Variants in ITGA8 observed in about 807,000 individuals in gnomAD.
ITGA8 encodes the protein integrin subunit alpha 8, also known as integrin alpha-8.
ITGA8 carries 91 observed loss-of-function variants against 142.3 expected under a neutral mutation model. The ratio of observed to expected loss-of-function variants is 0.64; its 90% confidence interval spans 0.54 to 0.76. ITGA8 has a LOEUF of 0.76. Among genes scored for constraint, ITGA8 ranks in the 30% least tolerant of loss-of-function variants. The pLI, the probability that ITGA8 is intolerant of heterozygous loss-of-function variation, is 0.00. For synonymous variants in ITGA8, 505 were observed against 485.2 expected, an observed-to-expected ratio of 1.04 and a Z score of -0.54; for missense variants, 1,406 against 1,327.7, an observed-to-expected ratio of 1.06 and a Z score of -0.92.
In ITGA8 at chr10:15,572,385, A is replaced by T. The variant is rs1242627181; in HGVS notation, c.2479-16T>A. 1.9e-6 allele frequency: 3 copies of T among 1,612,006 alleles called. No individual in the cohort carries two copies. In the African/African-American group the frequency reaches 4.0e-5, roughly 22 times the overall value. ...TATTGTGCAGCTGTAAACAAGTGAC[A>T]TGTTATCTAATGACCCAGCAGAAGG... is the stretch of plus-strand genomic sequence containing the variant. On this transcript the variant is annotated splice_polypyrimidine_tract_variant and intron_variant, in intron 24 of 29. Coordinates refer to ENST00000378076, the MANE Select transcript of ITGA8 (RefSeq NM_003638.3).
At chr10:15,597,429 T>C in intron 20 of ITGA8, 130 bp from the exon 21 acceptor site, 1 of 678,452 alleles carries the variant, frequency 1.5e-6, no homozygotes, top group Non-Finnish European at 2.6e-6. Flanking sequence ...AAAAAAGTAA[T>C]TGATGACCCT....
chr10:15,719,502 T>C, intron 1 of ITGA8, 61 bp downstream of exon 1: 1 of 1,436,760 alleles, frequency 7.0e-7, no homozygotes, highest in Non-Finnish European at 9.1e-7. Flanking sequence ...GCAGAGCCGC[T>C]GGGACCTGAC....
intron 7 of ITGA8, among the ~76,000 whole-genome samples, 174 bp downstream of exon 7, chr10:15,672,450 G>A (rs997714589): frequency 6.6e-6 from 1 of 152,100 alleles, no homozygotes; most frequent in South Asian, 2.1e-4. Flanking sequence ...ATTACACATC[G>A]CGGCTGGAAA....
intron 2 of ITGA8, among the ~76,000 whole-genome samples, chr10:15,717,158 C>T (rs888239495): frequency 2.0e-5 from 3 of 152,138 alleles, no homozygotes; most frequent in Non-Finnish European, 2.9e-5. Flanking sequence ...GAAAAAAATA[C>T]TAATCAGATC....
chr10:15,623,238 A>G (rs1483167390), intron 13 of ITGA8, among the ~76,000 whole-genome samples: 1 of 152,174 alleles, frequency 6.6e-6, no homozygotes, highest in Non-Finnish European at 1.5e-5. Flanking sequence ...GAATGAGAAA[A>G]ATGAGGTACA....
chr10:15,673,416 G>A (rs1834567194), intron 6 of ITGA8, among the ~76,000 whole-genome samples: 1 of 152,036 alleles, frequency 6.6e-6, no homozygotes, highest in Non-Finnish European at 1.5e-5. Flanking sequence ...TATTCCACCT[G>A]GAAGGAAGCT....
chr10:15,555,510 C>A (rs367602970), intron 26 of ITGA8, among the ~76,000 whole-genome samples: 2 of 152,160 alleles, frequency 1.3e-5, no homozygotes. Context: ...GTCAGTGCAC[C>A]GTGGCACCTC....
At chr10:15,569,709 A>G (rs1268350864) in intron 25 of ITGA8, among the ~76,000 whole-genome samples, 1 of 152,160 alleles carries the variant, frequency 6.6e-6, no homozygotes, top group Non-Finnish European at 1.5e-5. Context: ...GTGCCTGGCT[A>G]TGGCACAGTT....
chr10:15,659,225 C>T (rs1220746291), intron 9 of ITGA8, among the ~76,000 whole-genome samples, 170 bp from the exon 10 acceptor site: 2 of 150,290 alleles, frequency 1.3e-5, no homozygotes, highest in Non-Finnish European at 3.0e-5. Flanking sequence ...AAAAAAAAAG[C>T]CGATTAAAGT....
chr10:15,670,409 T>C (rs1316774943), intron 8 of ITGA8, among the ~76,000 whole-genome samples: 5 of 152,214 alleles, frequency 3.3e-5, no homozygotes, highest in Non-Finnish European at 7.3e-5. Context: ...TGTCATAGCC[T>C]AAGGAATAGA....
At chr10:15,566,021 C>T (rs1305855822) in intron 25 of ITGA8, among the ~76,000 whole-genome samples, 3 of 152,034 alleles carry the variant, frequency 2.0e-5, no homozygotes, top group Non-Finnish European at 2.9e-5. Flanking sequence ...AACCAGTACA[C>T]GAAGGCAGTT....
intron 2 of ITGA8, among the ~76,000 whole-genome samples, chr10:15,699,817 G>A (rs1206504432): frequency 6.6e-6 from 1 of 152,132 alleles, no homozygotes; most frequent in East Asian, 1.9e-4. Context: ...CTCAACTTTT[G>A]TTATTACAGG....
At chr10:15,645,235 C>G (rs568657832) in intron 12 of ITGA8, among the ~76,000 whole-genome samples, 1 of 152,084 alleles carries the variant, frequency 6.6e-6, no homozygotes, top group African/African-American at 2.4e-5. Context: ...ACTCCCATCC[C>G]CTTGTTTACT....
intron 13 of ITGA8, among the ~76,000 whole-genome samples, chr10:15,637,504 A>ATTTTTTTTTT (rs59157680): frequency 1.5e-5 from 2 of 131,164 alleles, no homozygotes. Flanking sequence ...GACTCTTTAA[A>ATTTTTTTTTT]TTTTTTTTTT....
chr10:15,698,378 G>A (rs1835096377), intron 2 of ITGA8, among the ~76,000 whole-genome samples: 1 of 152,150 alleles, frequency 6.6e-6, no homozygotes, highest in Admixed American at 6.5e-5. Context: ...ACACACATAT[G>A]CTAGTATCTT....
intron 22 of ITGA8, 32 bp downstream of exon 22, chr10:15,592,193 C>G (rs745824526): frequency 6.7e-7 from 1 of 1,499,872 alleles, no homozygotes; most frequent in Non-Finnish European, 9.3e-7. Context: ...CTTTTGACTG[C>G]TGTCAACGAT....
chr10:15,594,663 T>A (rs1055544140), intron 21 of ITGA8, among the ~76,000 whole-genome samples: 1 of 152,062 alleles, frequency 6.6e-6, no homozygotes, highest in Non-Finnish European at 1.5e-5. Flanking sequence ...GTGCCTGTAA[T>A]CCCAGCTACT....
chr10:15,644,258 G>A (rs1833926167), intron 12 of ITGA8, 37 bp from the exon 13 acceptor site: 1 of 1,563,260 alleles, frequency 6.4e-7, no homozygotes, highest in Non-Finnish European at 8.7e-7. Context: ...ATGTGTATAT[G>A]TATTTAATTC....
At chr10:15,536,950 G>T (rs1381719165) in intron 27 of ITGA8, among the ~76,000 whole-genome samples, 1 of 152,144 alleles carries the variant, frequency 6.6e-6, no homozygotes, top group Admixed American at 6.5e-5. Flanking sequence ...TCCATTTTAT[G>T]TAGCCCGTTT....
Sources: gnomAD v4.1 joint callset for allele counts (sites outside exome capture counted in the v4.1 genomes callset) on GRCh38, gnomAD v4.1.1 for gene constraint, MANE v1.5 for transcripts, NCBI Gene and HGNC (gene_info 2026-07-23, HGNC 2026-07-21) for gene names.